Variants in TMEM245 observed in about 807,000 individuals in gnomAD.
TMEM245 encodes the protein transmembrane protein 245, also known as protein CG-2.
A neutral mutation model predicts 101.2 loss-of-function variants in TMEM245; 69 were observed. The observed-to-expected ratio is 0.68, with a 90% CI of 0.56 to 0.83. The LOEUF is 0.83. Ranked by LOEUF, TMEM245 falls within the 40% of genes least tolerant of loss-of-function variation. The pLI is 0.00. For synonymous variants in TMEM245, 537 were observed against 449.8 expected (o/e 1.19, Z -2.45); for missense variants, 1,075 against 1,092.8 (o/e 0.98, Z 0.23).
At chr9:109,076,105 T>G (rs1026918576) in intron 8 of TMEM245, among the ~76,000 whole-genome samples, 1 of 152,198 alleles carries the variant, frequency 6.6e-6, no homozygotes, top group Non-Finnish European at 1.5e-5. Flanking sequence ...TTTAGAAGTA[T>G]GTTGCTTAAA....
At chr9:109,088,181 A>C (rs1829895486) in intron 5 of TMEM245, among the ~76,000 whole-genome samples, 1 of 152,234 alleles carries the variant, frequency 6.6e-6, no homozygotes, top group South Asian at 2.1e-4. Flanking sequence ...TTGTGTTCTT[A>C]GCTCTGGCCT....
intron 14 of TMEM245, chr9:109,039,245 T>C (rs999191932): frequency 3.9e-5 from 6 of 152,162 alleles, no homozygotes; most frequent in Admixed American, 2.6e-4. Flanking sequence ...TCCGGACCAA[T>C]GGCTTTCACT....
At chr9:109,034,921 C>T (rs1355365971) in intron 16 of TMEM245, among the ~76,000 whole-genome samples, 3 of 151,956 alleles carry the variant, frequency 2.0e-5, no homozygotes, top group African/African-American at 7.2e-5. Flanking sequence ...GTTTGGGAGG[C>T]CAAGGCAGGC....
At chr9:109,040,357 A>G (rs1828265983) in intron 14 of TMEM245, among the ~76,000 whole-genome samples, 1 of 152,244 alleles carries the variant, frequency 6.6e-6, no homozygotes, top group South Asian at 2.1e-4. Flanking sequence ...ACTATGATTT[A>G]CAAATAATAA....
rs1829643970 is a variant in TMEM245 at position 109,080,773 on chromosome 9, T to C, written c.1449+66A>G. ...TTTTCCATGCCCCTTCTGCTAGCTTTTAATCCAGACTACAATTCTAACAAT... is the reference window on the plus strand; with the variant it reads ...TTTTCCATGCCCCTTCTGCTAGCTTCTAATCCAGACTACAATTCTAACAAT... On this transcript the variant is annotated intron_variant, in intron 8 of 17. Transcript: ENST00000374586. The C allele has an allele frequency of 1.3e-5, 13 of 1,028,900 alleles. No individual in the cohort carries two copies. The Admixed American group carries it at 1.4e-4, about 11-fold the overall frequency. The allele number at this position is 1,028,900 out of a possible 1,614,324, so 63.7% of individuals were successfully genotyped here.
chr9:109,053,528 A>G (rs1373202494), intron 12 of TMEM245, among the ~76,000 whole-genome samples: 1 of 152,222 alleles, frequency 6.6e-6, no homozygotes, highest in Non-Finnish European at 1.5e-5. Flanking sequence ...GAAGAACATC[A>G]CAAAGAGTTC....
chr9:109,069,191 C>G (rs1192705179), intron 9 of TMEM245, among the ~76,000 whole-genome samples: 1 of 152,172 alleles, frequency 6.6e-6, no homozygotes, highest in Non-Finnish European at 1.5e-5. Flanking sequence ...TCTGGGGCTG[C>G]TCAGATTGTG....
At chr9:109,060,982 G>A (rs376408276) in intron 10 of TMEM245, among the ~76,000 whole-genome samples, 1 of 152,112 alleles carries the variant, frequency 6.6e-6, no homozygotes. Flanking sequence ...CTGAGACAAC[G>A]TAACTTAGAG....
At chr9:109,060,524 G>T in intron 10 of TMEM245, 72 bp from the exon 11 acceptor site, 2 of 1,027,224 alleles carry the variant, frequency 1.9e-6, no homozygotes, top group East Asian at 2.5e-5. Flanking sequence ...TATATGCTGG[G>T]TATTTACATT....
At chr9:109,041,598 G>C (rs2583379) in intron 14 of TMEM245, among the ~76,000 whole-genome samples, 1 of 151,134 alleles carries the variant, frequency 6.6e-6, no homozygotes, top group Non-Finnish European at 1.5e-5. Flanking sequence ...CAGGGGCTGA[G>C]AGATGGTCAA....
chr9:109,100,304 C>CTT (rs1439266177), intron 3 of TMEM245, among the ~76,000 whole-genome samples: 4 of 151,968 alleles, frequency 2.6e-5, no homozygotes, highest in Non-Finnish European at 5.9e-5. Flanking sequence ...GGTCAAGAAC[C>CTT]TATGTTTATT....
At chr9:109,079,220 T>C (rs1479547728) in intron 8 of TMEM245, among the ~76,000 whole-genome samples, 5 of 152,076 alleles carry the variant, frequency 3.3e-5, no homozygotes, top group Admixed American at 3.3e-4. Flanking sequence ...TGTTGTTTTA[T>C]TCTTGATTTC....
chr9:109,017,678 A>G lies in TMEM245; in HGVS notation c.*2782T>C, dbSNP rs1430643200. ...CTCCGTTTTTACTGAAATGACTTCTACTTCATCAACGTACGGTCTGTTCCT... is the reference window on the plus strand; with the variant it reads ...CTCCGTTTTTACTGAAATGACTTCTGCTTCATCAACGTACGGTCTGTTCCT... On this transcript the variant is annotated 3_prime_UTR_variant, in exon 18 of 18. Transcript: ENST00000374586. 6.6e-6 allele frequency: 1 copy of G among 152,210 alleles called. No homozygotes were observed. 9.4% of individuals were successfully genotyped at this position (152,210 alleles called of 1,614,324 possible).
At chr9:109,050,229 A>C in intron 14 of TMEM245, 54 bp downstream of exon 14, 1 of 1,601,864 alleles carries the variant, frequency 6.2e-7, no homozygotes, top group Non-Finnish European at 8.5e-7. Flanking sequence ...AAACAGGCTT[A>C]TCATGGAAAA....
intron 4 of TMEM245, among the ~76,000 whole-genome samples, chr9:109,092,639 C>T (rs1830037897): frequency 1.3e-5 from 2 of 152,206 alleles, no homozygotes; most frequent in African/African-American, 2.4e-5. Flanking sequence ...ACACCAAATT[C>T]CTTTATCTTA....
At chr9:109,073,951 C>G (rs765942022) in intron 8 of TMEM245, among the ~76,000 whole-genome samples, 22 of 151,776 alleles carry the variant, frequency 1.4e-4, no homozygotes, top group African/African-American at 2.7e-4. Context: ...ACCTCCACCC[C>G]CCACGTTCAA....
chr9:109,026,306 C>T (rs1427818389), intron 17 of TMEM245, among the ~76,000 whole-genome samples: 2 of 151,728 alleles, frequency 1.3e-5, no homozygotes, highest in Non-Finnish European at 2.9e-5. Context: ...AAAAAAAGTA[C>T]AAGGTGCAAA....
chr9:109,054,753 G>A (rs907146798), intron 12 of TMEM245, among the ~76,000 whole-genome samples: 4 of 152,166 alleles, frequency 2.6e-5, no homozygotes, highest in South Asian at 2.1e-4. Flanking sequence ...TGGAGCCAAG[G>A]AAAGATGAAC....
At chr9:109,033,079 G>A (rs540567554) in intron 17 of TMEM245, among the ~76,000 whole-genome samples, 14 of 152,294 alleles carry the variant, frequency 9.2e-5, no homozygotes, top group Middle Eastern at 3.4e-3. Flanking sequence ...GATTATAGGC[G>A]TGAGCCACTG....
Sources: gnomAD v4.1 joint callset for allele counts (sites outside exome capture counted in the v4.1 genomes callset) on GRCh38, gnomAD v4.1.1 for gene constraint, MANE v1.5 for transcripts, NCBI Gene and HGNC (gene_info 2026-07-23, HGNC 2026-07-21) for gene names.